DLGAP2: variants seen among roughly 807,000 people sequenced by gnomAD.
DLGAP2 encodes DLG associated protein 2.
A neutral mutation model predicts 100.3 loss-of-function variants in DLGAP2; 26 were observed. The observed-to-expected ratio is 0.26, with a 90% CI of 0.19 to 0.36. The LOEUF (loss-of-function observed/expected upper bound fraction) is 0.36, where lower values mean the gene tolerates loss of function less well. DLGAP2 is among the 10% of genes least tolerant of loss of function. The pLI, the probability that DLGAP2 is intolerant of heterozygous loss-of-function variation, is 1.00. For synonymous variants in DLGAP2, 886 were observed against 630.1 expected (o/e 1.41, Z -6.08); for missense variants, 1,858 against 1,453.2 (o/e 1.28, Z -4.53).
At chr8:1,664,324 C>T (rs1197777889) in intron 8 of DLGAP2, among the ~76,000 whole-genome samples, 1 of 152,182 alleles carries the variant, frequency 6.6e-6, no homozygotes, top group Non-Finnish European at 1.5e-5. Flanking sequence ...GCCCGTCCTA[C>T]TCCTGCTTCC....
chr8:767,592 T>C (rs1821248690), intron 1 of DLGAP2, among the ~76,000 whole-genome samples: 1 of 152,152 alleles, frequency 6.6e-6, no homozygotes, highest in African/African-American at 2.4e-5. Context: ...CCTGACCTCG[T>C]GATCCACGTG....
At chr8:1,227,194 A>G in intron 2 of DLGAP2, among the ~76,000 whole-genome samples, 1 of 98,068 alleles carries the variant, frequency 1.0e-5, no homozygotes, top group East Asian at 3.5e-4. Context: ...TATATTATCC[A>G]TTCATTTTTA....
At chr8:894,979 G>T (rs1379543496) in intron 1 of DLGAP2, among the ~76,000 whole-genome samples, 17 of 145,348 alleles carry the variant, frequency 1.2e-4, no homozygotes, top group African/African-American at 4.3e-4. Flanking sequence ...GGCAGGGGTG[G>T]CATGGGAAGA....
intron 3 of DLGAP2, among the ~76,000 whole-genome samples, chr8:1,487,634 G>A (rs1228389558): frequency 6.6e-6 from 1 of 152,178 alleles, no homozygotes; most frequent in Non-Finnish European, 1.5e-5. Flanking sequence ...CTGTACATGT[G>A]TCTGTGACTG....
chr8:1,609,586 G>C (rs201307604), intron 6 of DLGAP2, among the ~76,000 whole-genome samples: 1 of 130,396 alleles, frequency 7.7e-6, no homozygotes, highest in Admixed American at 8.4e-5. Context: ...AAAAGACACA[G>C]ACTGGCAAGT....
intron 3 of DLGAP2, among the ~76,000 whole-genome samples, chr8:1,372,144 G>A (rs1802253404): frequency 6.6e-6 from 1 of 152,182 alleles, no homozygotes; most frequent in Non-Finnish European, 1.5e-5. Flanking sequence ...ACCTACACAG[G>A]TGATAGGGTG....
intron 2 of DLGAP2, among the ~76,000 whole-genome samples, chr8:1,041,297 G>T (rs1021281701): frequency 1.3e-5 from 2 of 152,130 alleles, no homozygotes; most frequent in African/African-American, 2.4e-5. Flanking sequence ...TTGGAGGTGC[G>T]TGGAGATCGC....
rs1333101352 is a variant in DLGAP2 at position 1,297,509 on chromosome 8, CAT to C, written c.106+38627_106+38628del. 6.7e-4 allele frequency among the ~76,000 whole-genome samples: 98 copies of C among 145,874 alleles called. 1 individual carries two copies. Among genetic ancestry groups the C allele is most frequent in the Non-Finnish European group, 1.0e-3 (67 of 65,718 alleles). On this transcript the variant is annotated intron_variant, in intron 3 of 14. Coordinates refer to ENST00000637795, the MANE Select transcript of DLGAP2 (RefSeq NM_001346810.2). ...AGACAGGGAGGAGAAACGTGGCAGG[CAT>C]GAACAGACACCACGTGAGACAGGGA... is the stretch of plus-strand genomic sequence containing the variant.
At chr8:1,635,647 G>GA (rs1201932584) in intron 8 of DLGAP2, among the ~76,000 whole-genome samples, 1 of 152,180 alleles carries the variant, frequency 6.6e-6, no homozygotes, top group Non-Finnish European at 1.5e-5. Context: ...TGAAGAACGA[G>GA]ATTTATTTAA....
rs76186217 is a variant in DLGAP2 at position 1,386,816 on chromosome 8, G to T, written c.107-114550G>T. ...AAAAAAAGGATTGATTTTTGAATGGGTTTTACCATATTGATGGAAAAAAAA... is the reference window on the plus strand; with the variant it reads ...AAAAAAAGGATTGATTTTTGAATGGTTTTTACCATATTGATGGAAAAAAAA... On this transcript the variant is annotated intron_variant, in intron 3 of 14. Transcript: ENST00000637795. 8.6e-3 allele frequency among the ~76,000 whole-genome samples: 1,304 copies of T among 152,144 alleles called. 17 individuals are homozygous for T. Among genetic ancestry groups the T allele is most frequent in the African/African-American group, 0.029 (1,223 of 41,492 alleles).
chr8:1,450,444 G>A lies in DLGAP2; in HGVS notation c.107-50922G>A, dbSNP rs1223035231. 3.2e-3 allele frequency among the ~76,000 whole-genome samples: 453 copies of A among 141,906 alleles called. 5 individuals are homozygous for A. Among genetic ancestry groups the A allele is most frequent in the African/African-American group, 0.012 (432 of 35,886 alleles). The allele number at this position is 141,906 out of a possible 152,430, so 93.1% of individuals were successfully genotyped here. ...TGTGAGGGTGAAGACGAGGTGGGCG[G>A]CCTCGGTGGCTGTGGCTGAGGCTGA... On this transcript the variant is annotated intron_variant, in intron 3 of 14. Transcript: ENST00000637795.
chr8:1,286,595 CCTCCT>C (rs1468570375), intron 3 of DLGAP2, among the ~76,000 whole-genome samples: 3 of 152,120 alleles, frequency 2.0e-5, no homozygotes, highest in Non-Finnish European at 4.4e-5. Flanking sequence ...ATGCCCATAC[CCTCCT>C]CTGCTGCTGT....
intron 3 of DLGAP2, among the ~76,000 whole-genome samples, chr8:1,382,598 GCA>G (rs1796123029): frequency 6.6e-6 from 1 of 152,050 alleles, no homozygotes; most frequent in Non-Finnish European, 1.5e-5. Flanking sequence ...TAAAAAATTA[GCA>G]GTGCAGTGGT....
intron 1 of DLGAP2, among the ~76,000 whole-genome samples, chr8:766,818 T>C (rs986593550): frequency 4.6e-5 from 7 of 152,194 alleles, no homozygotes; most frequent in African/African-American, 1.4e-4. Context: ...ATCCTGAGGC[T>C]CGGCCAAAAG....
intron 2 of DLGAP2, among the ~76,000 whole-genome samples, chr8:1,062,010 G>A (rs1326826927): frequency 6.6e-6 from 1 of 151,052 alleles, no homozygotes; most frequent in Admixed American, 6.6e-5. Flanking sequence ...TCTAAATAGG[G>A]ATCATTTGTG....
At chr8:1,373,304 G>GCGGGCGGCAGCTGA (rs1244078736) in intron 3 of DLGAP2, among the ~76,000 whole-genome samples, 9 of 138,198 alleles carry the variant, frequency 6.5e-5, no homozygotes, top group Non-Finnish European at 5.1e-5. Context: ...AGCAGGGGCC[G>GCGGGCGGCAGCTGA]CGGGCGGCAG....
intron 3 of DLGAP2, among the ~76,000 whole-genome samples, chr8:1,445,324 G>A (rs1797956230): frequency 1.4e-5 from 2 of 143,646 alleles, no homozygotes; most frequent in Non-Finnish European, 3.0e-5. Context: ...CCACCTATGA[G>A]TGAGAACATG....
rs1418798910 is a variant in DLGAP2 at position 1,156,647 on chromosome 8, G to GCCCCAGCTCAGCA, written c.74-102197_74-102196insTCAGCACCCCAGC. 1.8e-3 allele frequency among the ~76,000 whole-genome samples: 275 copies of GCCCCAGCTCAGCA among 149,886 alleles called. 3 individuals carry two copies. The highest frequency in any genetic ancestry group is 6.2e-3 in the African/African-American group (253 of 40,618). On this transcript the variant is annotated intron_variant, in intron 2 of 14. Transcript: ENST00000637795. Reference sequence around the variant, plus strand: ...CCCCAGCCCAGCGCCCCGGCTCAGCGCCCCAGCCCAGCGCCCCAGCTTAGC... The same window carrying GCCCCAGCTCAGCA: ...CCCCAGCCCAGCGCCCCGGCTCAGCGCCCCAGCTCAGCACCCCAGCCCAGCGCCCCAGCTTAGC...
chr8:810,629 A>G (rs545930503), intron 1 of DLGAP2, among the ~76,000 whole-genome samples: 36 of 152,258 alleles, frequency 2.4e-4, no homozygotes, highest in Non-Finnish European at 4.3e-4. Context: ...CATTTTTAAC[A>G]TAATAATCAA....
Sources: gnomAD v4.1 joint callset for allele counts (sites outside exome capture counted in the v4.1 genomes callset) on GRCh38, gnomAD v4.1.1 for gene constraint, MANE v1.5 for transcripts, NCBI Gene and HGNC (gene_info 2026-07-23, HGNC 2026-07-21) for gene names.